ZMYM5: variants seen among roughly 807,000 people sequenced by gnomAD.
ZMYM5 encodes the protein zinc finger MYM-type containing 5.
In ZMYM5, 41 loss-of-function variants were observed where a neutral mutation model predicts 61.8. The ratio of observed to expected loss-of-function variants is 0.66; its 90% CI spans 0.52 to 0.86. The LOEUF is 0.86. Ranked by LOEUF, ZMYM5 falls within the 40% of genes least tolerant of loss-of-function variation. ZMYM5 has a pLI of 0.00. For synonymous variants in ZMYM5, 257 were observed against 276.4 expected (o/e 0.93, Z 0.70); for missense variants, 706 against 786.7 (o/e 0.90, Z 1.23).
intron 6 of ZMYM5, among the ~76,000 whole-genome samples, chr13:19,836,834 C>T (rs868364159): frequency 4.6e-5 from 7 of 152,248 alleles, no homozygotes. Flanking sequence ...AAAGTGAGGA[C>T]TGCCTGCATG....
chr13:19,862,573 C>G (rs2138688279), intron 1 of ZMYM5, 107 bp from the exon 2 acceptor site: 1 of 152,266 alleles, frequency 6.6e-6, no homozygotes, highest in East Asian at 1.9e-4. Context: ...TTCCTGGGCT[C>G]TGCTACCCTC....
chr13:19,830,847 T>C (rs1255427068), intron 7 of ZMYM5, among the ~76,000 whole-genome samples: 1 of 144,770 alleles, frequency 6.9e-6, no homozygotes, highest in Non-Finnish European at 1.5e-5. Context: ...TTCTTTTTTT[T>C]TTTTTTTTTT....
At chr13:19,854,320 C>T (rs1203996877) in intron 2 of ZMYM5, among the ~76,000 whole-genome samples, 1 of 152,108 alleles carries the variant, frequency 6.6e-6, no homozygotes, top group Non-Finnish European at 1.5e-5. Flanking sequence ...AATATGCTAA[C>T]ATTTTTACTC....
In ZMYM5 at chr13:19,851,776, A is replaced by G. The variant is rs1451711665; in HGVS notation, c.405T>C (p.Ser135=). ...IETNGGAEKK[S]SCFIEWGLPG... ...GAAGTCCCCATTCGATAAAACAGGA[A>G]GACTTTTTCTCTGCTCCTCCATTTG... Residue 135 remains serine (S), a synonymous_variant, in exon 3 of 8, where the codon TCT becomes TCC. Coordinates refer to ENST00000337963, the MANE Select transcript of ZMYM5 (RefSeq NM_001142684.2). 1.2e-5 allele frequency: 20 copies of G among 1,607,936 alleles called. No homozygotes were observed. Among genetic ancestry groups the G allele is most frequent in the Non-Finnish European group, 1.7e-5 (20 of 1,178,716 alleles).
chr13:19,836,384 AC>A (rs1424969919), intron 6 of ZMYM5, among the ~76,000 whole-genome samples: 1 of 151,868 alleles, frequency 6.6e-6, no homozygotes, highest in Non-Finnish European at 1.5e-5. Flanking sequence ...GGCTTGCAGC[AC>A]CACACCTGAC....
At chr13:19,843,167 C>T (rs1239464121) in intron 4 of ZMYM5, among the ~76,000 whole-genome samples, 9 of 149,936 alleles carry the variant, frequency 6.0e-5, no homozygotes, top group Admixed American at 4.0e-4. Flanking sequence ...ACTCCGTCAC[C>T]GAGGCTGGAG....
rs147170954 is a variant in ZMYM5 at position 19,832,039 on chromosome 13, G to A, written c.1251+3438C>T. Among the ~76,000 whole-genome samples, 1,015 of 151,330 alleles carry A rather than the reference G, an allele frequency of 6.7e-3. 15 individuals carry two copies. Among genetic ancestry groups the A allele is most frequent in the African/African-American group, 0.024 (973 of 41,308 alleles). ...GCCTGGCTAACTTTTTGTATTTTTT[G>A]TAGAAACGGAGTTTCACCATGTTGG... is the stretch of plus-strand genomic sequence containing the variant. On this transcript the variant is annotated intron_variant, in intron 7 of 7. Transcript: ENST00000337963.
At chr13:19,858,361 G>T (rs560036159) in intron 2 of ZMYM5, among the ~76,000 whole-genome samples, 1 of 152,126 alleles carries the variant, frequency 6.6e-6, no homozygotes, top group East Asian at 1.9e-4. Flanking sequence ...TAGGCAGGTG[G>T]ATCGCTTGAG....
chr13:19,835,272 C>T (rs917955176), intron 7 of ZMYM5, among the ~76,000 whole-genome samples: 1 of 152,038 alleles, frequency 6.6e-6, no homozygotes, highest in East Asian at 1.9e-4. Context: ...TGGAATTACA[C>T]AAGTGAGTCA....
chr13:19,847,803 ATTTTTTTTTTT>A (rs34176871), intron 4 of ZMYM5, among the ~76,000 whole-genome samples: 11 of 79,888 alleles, frequency 1.4e-4, no homozygotes, highest in East Asian at 8.1e-4. Flanking sequence ...TGCCCGGCTA[ATTTTTTTTTTT>A]TTTTTTTTTT....
intron 5 of ZMYM5, 32 bp downstream of exon 5, chr13:19,838,668 T>C (rs1952753129): frequency 6.2e-7 from 1 of 1,606,264 alleles, no homozygotes; most frequent in Non-Finnish European, 8.5e-7. Context: ...AGTATTCAAC[T>C]ATGTGGAGAA....
chr13:19,839,763 C>T (rs1952799943), intron 4 of ZMYM5, among the ~76,000 whole-genome samples: 1 of 152,160 alleles, frequency 6.6e-6, no homozygotes, highest in African/African-American at 2.4e-5. Flanking sequence ...CATTAGTACA[C>T]TTACTTTCAA....
intron 4 of ZMYM5, among the ~76,000 whole-genome samples, chr13:19,844,097 C>T (rs1952992104): frequency 6.7e-6 from 1 of 148,386 alleles, no homozygotes; most frequent in African/African-American, 2.5e-5. Flanking sequence ...GAGATCGCCC[C>T]ACTGCACTCC....
At chr13:19,843,668 T>G (rs915718219) in intron 4 of ZMYM5, 1 of 151,766 alleles carries the variant, frequency 6.6e-6, no homozygotes, top group Admixed American at 6.6e-5. Flanking sequence ...AAACCCTGTC[T>G]CTACAAAAAA....
rs1171657310 is a variant in ZMYM5, at chr13:19,863,201, A to ACCCCGCCT, written c.-79+241_-79+248dup. Among the ~76,000 whole-genome samples the ACCCCGCCT allele has an allele frequency of 2.9e-3, 169 of 59,034 alleles. 1 individual carries two copies. Among genetic ancestry groups the ACCCCGCCT allele is most frequent in the African/African-American group, 7.8e-3 (125 of 15,928 alleles). 38.7% of individuals were successfully genotyped at this position (59,034 alleles called of 152,430 possible). A position where few individuals can be genotyped will look rare whatever the true frequency, so the allele number is the denominator to read the frequency against. ...CGGGCGGCCGGCAACCCGCCCCGCC[A>ACCCCGCCT]CCCCGCCTCCCCGCCGGCCCCGCGA... On this transcript the variant is annotated intron_variant, in intron 1 of 7. Coordinates refer to ENST00000337963, the MANE Select transcript of ZMYM5 (RefSeq NM_001142684.2).
intron 1 of ZMYM5, among the ~76,000 whole-genome samples, chr13:19,863,133 C>T (rs1315508762): frequency 6.6e-6 from 1 of 152,052 alleles, no homozygotes; most frequent in East Asian, 1.9e-4. Context: ...CGCCCCCCGC[C>T]ACTATGCGGC....
intron 7 of ZMYM5, among the ~76,000 whole-genome samples, chr13:19,833,418 G>A (rs1161368234): frequency 6.6e-6 from 1 of 152,026 alleles, no homozygotes; most frequent in African/African-American, 2.4e-5. Context: ...AGAATAATTT[G>A]GTACCTTCTT....
intron 4 of ZMYM5, among the ~76,000 whole-genome samples, chr13:19,840,201 G>C (rs1390284490): frequency 1.3e-5 from 2 of 152,142 alleles, no homozygotes; most frequent in Non-Finnish European, 2.9e-5. Flanking sequence ...ACTTTGGGAG[G>C]CTAAGGCGGG....
At chr13:19,860,670 T>G (rs1403636326) in intron 2 of ZMYM5, among the ~76,000 whole-genome samples, 1 of 151,862 alleles carries the variant, frequency 6.6e-6, no homozygotes, top group Non-Finnish European at 1.5e-5. Flanking sequence ...ACTTCTGACC[T>G]CAGGTGATCC....
Sources: allele counts gnomAD v4.1 joint callset (sites outside exome capture counted in the v4.1 genomes callset), GRCh38; gene constraint gnomAD v4.1.1; transcripts MANE v1.5; gene names NCBI Gene and HGNC (gene_info 2026-07-23, HGNC 2026-07-21).